Variants in VAV1 observed in about 807,000 individuals in gnomAD.
VAV1 encodes the protein proto-oncogene vav.
A neutral mutation model predicts 128.1 loss-of-function variants in VAV1; 33 were observed. That is an observed-to-expected ratio of 0.26 (90% CI 0.20 to 0.34). VAV1 has a LOEUF of 0.34. VAV1 is among the 10% of genes least tolerant of loss of function. The pLI is 1.00. For missense variants in VAV1, 715 were observed against 1,093.7 expected (o/e 0.65, Z 4.88); for synonymous variants, 394 against 409.8 (o/e 0.96, Z 0.47).
At chr19:6,835,889 T>C (rs1002811955) in intron 19 of VAV1, 6 of 152,216 alleles carry the variant, frequency 3.9e-5, no homozygotes, top group African/African-American at 1.4e-4. Context: ...AGTTTTGTTT[T>C]GAGACAGAGT....
Position 6,833,642 on chromosome 19 carries a change from G to A in VAV1, c.1708+17G>A. 6.2e-7 allele frequency: 1 copy of A among 1,614,104 alleles called. No homozygotes were observed. Among genetic ancestry groups the A allele is most frequent in the Non-Finnish European group, 8.5e-7 (1 of 1,179,994 alleles). ...ATGGGCAAGGTACGAGTGGGAGGGA[G>A]GCTGGGAGGTGAGCTTGGTTCTCTT... On this transcript the variant is annotated intron_variant, in intron 17 of 26. Coordinates refer to ENST00000602142, the MANE Select transcript of VAV1 (RefSeq NM_005428.4).
chr19:6,779,215 G>A (rs1970712003), intron 1 of VAV1, among the ~76,000 whole-genome samples: 1 of 150,860 alleles, frequency 6.6e-6, no homozygotes, highest in South Asian at 2.1e-4. Context: ...GCAATACCTG[G>A]CTAATTTTTT....
chr19:6,848,255 C>T, intron 23 of VAV1, 141 bp downstream of exon 23: 1 of 602,266 alleles, frequency 1.7e-6, no homozygotes, highest in Non-Finnish European at 2.6e-6. Context: ...TTCCCACGTG[C>T]CTTTCACCTT....
chr19:6,824,076 C>T (rs967255119), intron 6 of VAV1, among the ~76,000 whole-genome samples: 1 of 151,892 alleles, frequency 6.6e-6, no homozygotes, highest in Non-Finnish European at 1.5e-5. Flanking sequence ...GAGCTGGGGC[C>T]ACGGGTGCAT....
intron 19 of VAV1, among the ~76,000 whole-genome samples, chr19:6,834,588 A>G (rs893879840): frequency 2.7e-5 from 4 of 146,306 alleles, no homozygotes; most frequent in South Asian, 4.2e-4. Context: ...TTAAATATAT[A>G]ATAATTTATT....
At chr19:6,841,815 C>T (rs1427964070) in intron 21 of VAV1, among the ~76,000 whole-genome samples, 1 of 152,144 alleles carries the variant, frequency 6.6e-6, no homozygotes, top group African/African-American at 2.4e-5. Context: ...TTCCCACCAA[C>T]AGTGCACAAG....
At chr19:6,839,425 C>T (rs1486580466) in intron 21 of VAV1, among the ~76,000 whole-genome samples, 4 of 151,752 alleles carry the variant, frequency 2.6e-5, no homozygotes, top group Non-Finnish European at 5.9e-5. Context: ...CACCACCACA[C>T]CTGGCTAATT....
chr19:6,832,051 C>A, intron 14 of VAV1, 40 bp from the exon 15 acceptor site: 1 of 1,594,834 alleles, frequency 6.3e-7, no homozygotes, highest in Non-Finnish European at 8.6e-7. Flanking sequence ...CCACCCTCTG[C>A]GGGGGCAGTG....
rs2144830815 is a variant in VAV1 at position 6,851,748 on chromosome 19, T to C, written c.2217+991T>C. On this transcript the variant is annotated intron_variant, in intron 24 of 26. Coordinates refer to ENST00000602142, the MANE Select transcript of VAV1 (RefSeq NM_005428.4). Reference sequence around the variant, plus strand: ...CCTAATGATCTAAGGCATATGGTTTTTACCCATGGTCTGTGGGCCCTTGAG... The same window carrying C: ...CCTAATGATCTAAGGCATATGGTTTCTACCCATGGTCTGTGGGCCCTTGAG... 2.6e-5 allele frequency among the ~76,000 whole-genome samples: 4 copies of C among 152,298 alleles called. No individual in the cohort carries two copies. In the Middle Eastern group the frequency reaches 0.014, roughly 518 times the overall value.
chr19:6,809,075 C>G (rs1019743107), intron 1 of VAV1, among the ~76,000 whole-genome samples: 6 of 58,508 alleles, frequency 1.0e-4, no homozygotes, highest in Non-Finnish European at 1.7e-4. Context: ...GAATCTACCT[C>G]TCTTTTTTTT....
chr19:6,801,622 A>C (rs73920224), intron 1 of VAV1, among the ~76,000 whole-genome samples: 1,691 of 151,738 alleles, frequency 0.011, 43 homozygotes, highest in African/African-American at 0.04. Flanking sequence ...GGGCCCCTCC[A>C]CCCACCCTTT....
At chr19:6,821,997 C>T (rs1231439411) in intron 4 of VAV1, 138 bp downstream of exon 4, 4 of 1,262,828 alleles carry the variant, frequency 3.2e-6, no homozygotes, top group Non-Finnish European at 4.6e-6. Flanking sequence ...GCCTGAGAGT[C>T]TGGGGAGACA....
intron 1 of VAV1, among the ~76,000 whole-genome samples, chr19:6,784,888 C>T (rs1970853500): frequency 6.6e-6 from 1 of 152,146 alleles, no homozygotes. Context: ...AATCTCTGTC[C>T]CTTCCCTACT....
At chr19:6,842,943 A>G (rs964008483) in intron 21 of VAV1, among the ~76,000 whole-genome samples, 192 bp from the exon 22 acceptor site, 1 of 152,156 alleles carries the variant, frequency 6.6e-6, no homozygotes, top group Non-Finnish European at 1.5e-5. Flanking sequence ...CCTGCTTTAT[A>G]TGATACTGGG....
chr19:6,798,218 A>G (rs976858108), intron 1 of VAV1, among the ~76,000 whole-genome samples: 2 of 152,110 alleles, frequency 1.3e-5, no homozygotes, highest in African/African-American at 4.8e-5. Context: ...CGGAGGTTGC[A>G]GTGAGCGGAG....
At chr19:6,786,077 T>C (rs1599620977) in intron 1 of VAV1, among the ~76,000 whole-genome samples, 1 of 152,208 alleles carries the variant, frequency 6.6e-6, no homozygotes, top group South Asian at 2.1e-4. Context: ...TAGTGCTCTC[T>C]GACCTGTCAT....
In VAV1 at chr19:6,857,117, C is replaced by T. The variant is rs1972822719; in HGVS notation, c.*10C>T. On this transcript the variant is annotated 3_prime_UTR_variant, in exon 27 of 27. Transcript: ENST00000602142. ...TTCTGAATACTGCTGAGCCCTGGTG[C>T]CTTGGCAGAGAGACGAGAAACTCCA... The T allele has an allele frequency of 6.2e-7, 1 of 1,613,830 alleles. No individual in the cohort carries two copies. The highest frequency in any genetic ancestry group is 1.3e-5 in the African/African-American group (1 of 74,916).
chr19:6,818,470 A>G (rs1971710709), intron 1 of VAV1, among the ~76,000 whole-genome samples: 1 of 152,138 alleles, frequency 6.6e-6, no homozygotes, highest in African/African-American at 2.4e-5. Flanking sequence ...CTGTTCCTCC[A>G]ACATGTTAGG....
intron 1 of VAV1, among the ~76,000 whole-genome samples, chr19:6,813,482 G>A (rs768245500): frequency 4.6e-5 from 7 of 152,202 alleles, no homozygotes; most frequent in Non-Finnish European, 8.8e-5. Flanking sequence ...ACTTATGTAT[G>A]AATACTAGGA....
Sources: allele counts gnomAD v4.1 joint callset (sites outside exome capture counted in the v4.1 genomes callset), GRCh38; gene constraint gnomAD v4.1.1; transcripts MANE v1.5; gene names NCBI Gene and HGNC (gene_info 2026-07-23, HGNC 2026-07-21).